Variants in NPR1 observed in about 807,000 individuals in gnomAD.
NPR1 encodes the protein natriuretic peptide receptor 1.
Under a neutral mutation model 116.9 loss-of-function variants are expected in NPR1, and 57 were observed. The observed-to-expected ratio is 0.49, with a 90% CI of 0.39 to 0.61. The LOEUF is 0.61. Ranked by LOEUF, NPR1 falls within the 20% of genes least tolerant of loss-of-function variation. The pLI is 0.00. For missense variants in NPR1, 1,096 were observed against 1,409.8 expected (o/e 0.78, Z 3.56); for synonymous variants, 555 against 601.6 (o/e 0.92, Z 1.13).
At chr1:153,680,969 G>A (rs1669756391) in intron 2 of NPR1, 2 of 597,886 alleles carry the variant, frequency 3.3e-6, no homozygotes, top group South Asian at 2.1e-5. Context: ...GGAGGATAAA[G>A]TCCCACAGCC....
chr1:153,686,600 A>T, intron 10 of NPR1, 46 bp from the exon 11 acceptor site: 1 of 1,496,536 alleles, frequency 6.7e-7, no homozygotes, highest in Non-Finnish European at 9.3e-7. Context: ...CAGCTTGGTG[A>T]GGAGCGAGGT....
At position 153,681,007 on chromosome 1, in the gene NPR1, T is replaced by C. The variant is rs375053808; in HGVS notation, c.922-173T>C. On this transcript the variant is annotated intron_variant, in intron 2 of 21. Transcript: ENST00000368680. The stretch of plus-strand genomic sequence containing the variant: ...GACAGGACTTGGAGAAGGCATCCCA[T>C]TGGATCCCCTGCTTTGGAATGGGCA... 1.1e-4 allele frequency: 69 copies of C among 601,460 alleles called. No individual in the cohort carries two copies. The East Asian group carries it at 1.7e-3, about 15-fold the overall frequency. The allele number at this position is 601,460 out of a possible 1,614,324, so 37.3% of individuals were successfully genotyped here.
In NPR1 at chr1:153,679,673, C is replaced by A. The variant is rs369428608; in HGVS notation, c.565C>A (p.Arg189=). 3 of 1,608,558 alleles carry A rather than the reference C, an allele frequency of 1.9e-6. No individual in the cohort carries two copies. Among genetic ancestry groups the A allele is most frequent in the Non-Finnish European group, 2.5e-6 (3 of 1,178,962 alleles). ...ERQALMLYAY[R]PGDEEHCFFL... ...CCAAGCGCTCATGCTCTACGCCTAC[C>A]GGCCGGGTGACGAAGAGCACTGCTT... Residue 189 remains arginine (R), a synonymous_variant, in exon 1 of 22, where the codon CGG becomes AGG. Coordinates refer to ENST00000368680, the MANE Select transcript of NPR1 (RefSeq NM_000906.4). This position sits in a 1 kb window ranked among gnomAD's most constrained non-coding sequence, Gnocchi z 4.2.
At position 153,683,642 on chromosome 1, in the gene NPR1, C is replaced by T; in HGVS notation, c.1400-98C>T. The T allele has an allele frequency of 2.0e-6, 3 of 1,535,974 alleles. No individual in the cohort carries two copies. The Admixed American group carries it at 5.1e-5, about 26-fold the overall frequency. On this transcript the variant is annotated intron_variant, in intron 6 of 21. Transcript: ENST00000368680. ...ATGACTCCTGCCTTTTTCTTCCCTT[C>T]ATCCATCATCCCAGTTCACTGATGG...
In NPR1 at chr1:153,688,228, G is replaced by T. The variant is rs534494922; in HGVS notation, c.2417+7G>T. On this transcript the variant is annotated splice_region_variant and intron_variant, in intron 15 of 21. Transcript: ENST00000368680. ...CGTTGCGCAAATTTAACAGGTCCCTGGTGTTTGTCATGGATCCCCCAGGCC... is the reference window on the plus strand; with the variant it reads ...CGTTGCGCAAATTTAACAGGTCCCTTGTGTTTGTCATGGATCCCCCAGGCC... The T allele has an allele frequency of 1.2e-6, 2 of 1,612,096 alleles. No homozygotes were observed. Among genetic ancestry groups the T allele is most frequent in the African/African-American group, 1.3e-5 (1 of 74,858 alleles).
chr1:153,691,748 A>C (rs558151459), intron 20 of NPR1, among the ~76,000 whole-genome samples: 1 of 152,008 alleles, frequency 6.6e-6, no homozygotes, highest in Admixed American at 6.6e-5. Flanking sequence ...AAATACAAAA[A>C]ATTAGCTGGG....
chr1:153,681,143 C>A, intron 2 of NPR1, 37 bp from the exon 3 acceptor site: 1 of 1,298,926 alleles, frequency 7.7e-7, no homozygotes, highest in Non-Finnish European at 1.1e-6. Flanking sequence ...GAATAGTCAG[C>A]TCCCAACTCT....
chr1:153,687,942 GC>G, intron 14 of NPR1, 110 bp from the exon 15 acceptor site: 1 of 1,071,754 alleles, frequency 9.3e-7, no homozygotes, highest in Non-Finnish European at 1.4e-6. Flanking sequence ...CCAGTCCCCC[GC>G]CCCCATGCCT....
chr1:153,679,548 G>T lies in NPR1; in HGVS notation c.440G>T (p.Gly147Val). 6.5e-7 allele frequency: 1 copy of T among 1,546,300 alleles called. No individual in the cohort carries two copies. ...GCCGGCGCCCCGGCGCTGGGCTTCG[G>T]TGTCAAGGACGAGTATGCGCTGACC... Reference protein sequence around the residue: ...LTAGAPALGFGVKDEYALTTR... With the variant: ...LTAGAPALGFVVKDEYALTTR... Residue 147 changes from glycine to valine, a missense_variant, in exon 1 of 22, where the codon GGT (glycine) becomes GTT (valine). Coordinates refer to ENST00000368680, the MANE Select transcript of NPR1 (RefSeq NM_000906.4). This position sits in a 1 kb window ranked among gnomAD's most constrained non-coding sequence, Gnocchi z 4.2.
intron 14 of NPR1, 38 bp from the exon 15 acceptor site, chr1:153,688,015 C>T (rs1557964413): frequency 6.7e-7 from 1 of 1,486,476 alleles, no homozygotes; most frequent in African/African-American, 1.4e-5. Flanking sequence ...GGCCCTTGGC[C>T]AGCCCCACCC....
chr1:153,683,161 C>G (rs564694814), intron 5 of NPR1, among the ~76,000 whole-genome samples: 2 of 151,734 alleles, frequency 1.3e-5, no homozygotes, highest in Non-Finnish European at 2.9e-5. Context: ...TTTATAAACC[C>G]CTTGATAGTT....
intron 14 of NPR1, 110 bp from the exon 15 acceptor site, chr1:153,687,943 C>T (rs1040031014): frequency 9.3e-7 from 1 of 1,079,588 alleles, no homozygotes; most frequent in Non-Finnish European, 1.4e-6. Flanking sequence ...CAGTCCCCCG[C>T]CCCCATGCCT....
intron 11 of NPR1, 44 bp from the exon 12 acceptor site, chr1:153,686,972 G>C (rs770583090): frequency 6.2e-7 from 1 of 1,600,256 alleles, no homozygotes; most frequent in Non-Finnish European, 8.6e-7. Context: ...CCAACTCCCA[G>C]GGGGATCTGC....
At chr1:153,686,935 C>T in intron 11 of NPR1, 81 bp from the exon 12 acceptor site, 1 of 1,464,158 alleles carries the variant, frequency 6.8e-7, no homozygotes, top group Non-Finnish European at 9.6e-7. Flanking sequence ...TCTACCAGTT[C>T]ACATCAGTAG....
At position 153,681,798 on chromosome 1, in the gene NPR1, G is replaced by C. The variant is rs1047595608; in HGVS notation, c.1130G>C (p.Gly377Ala). 5 of 1,614,034 alleles carry C rather than the reference G, an allele frequency of 3.1e-6. No homozygotes were observed. In the South Asian group the frequency reaches 5.5e-5, roughly 18 times the overall value. ...TLAHGGTVTD[G>A]ENITQRMWNR... is the part of the protein sequence containing the mutation. ...GCACATGGGGGAACTGTTACTGATG[G>C]GGAGAACATCACTCAGCGGATGTGG... Residue 377 changes from glycine (G) to alanine (A), a missense_variant, in exon 4 of 22, where the codon GGG (glycine) becomes GCG (alanine). By Grantham distance (60) the Gly-to-Ala change is moderately conservative (BLOSUM62 0). Transcript: ENST00000368680.
Position 153,688,086 on chromosome 1 carries a change from C to T in NPR1, c.2282C>T (p.Pro761Leu). 1 of 1,612,528 alleles carries T rather than the reference C, an allele frequency of 6.2e-7. No individual in the cohort carries two copies. The highest frequency in any genetic ancestry group is 1.1e-5 in the South Asian group (1 of 90,986). ...IIERVTRGEQ[P>L]PFRPSLALQS... ...GAGCGGGTGACTCGGGGTGAGCAGC[C>T]CCCCTTCCGGCCCTCCCTGGCCCTG... The change falls in exon 15 of 22, where the codon CCC becomes CTC. Residue 761 changes from proline (P) to leucine (L), a missense_variant. Pro to Leu is a moderately conservative substitution (Grantham distance 98, BLOSUM62 -3). Coordinates refer to ENST00000368680, the MANE Select transcript of NPR1 (RefSeq NM_000906.4).
intron 20 of NPR1, among the ~76,000 whole-genome samples, chr1:153,692,382 G>A (rs1670130705): frequency 6.8e-6 from 1 of 147,750 alleles, no homozygotes; most frequent in African/African-American, 2.5e-5. Flanking sequence ...ACTCCAGAGA[G>A]TGCTGTCCAA....
chr1:153,685,120 AG>A (rs1356182691), intron 8 of NPR1, 36 bp downstream of exon 8: 1 of 1,610,604 alleles, frequency 6.2e-7, no homozygotes, highest in South Asian at 1.1e-5. Context: ...GGGGCAATAA[AG>A]GAGAGGTGGG....
intron 3 of NPR1, 161 bp from the exon 4 acceptor site, chr1:153,681,543 C>A: frequency 1.3e-6 from 1 of 748,450 alleles, no homozygotes; most frequent in Non-Finnish European, 2.2e-6. Context: ...TGATGCTAAT[C>A]CAAAGGCATC....
Sources: gnomAD v4.1 joint callset for allele counts (sites outside exome capture counted in the v4.1 genomes callset) on GRCh38, gnomAD v4.1.1 for gene constraint, Gnocchi (gnomAD v3.1) non-coding constraint, MANE v1.5 for transcripts, NCBI Gene and HGNC (gene_info 2026-07-23, HGNC 2026-07-21) for gene names.